The following SHQ1 variants were observed in gnomAD, a reference collection of about 807,000 sequenced individuals.
SHQ1 encodes SHQ1, H/ACA ribonucleoprotein assembly factor.
A neutral mutation model predicts 53.8 loss-of-function variants in SHQ1; 49 were observed. The ratio of observed to expected loss-of-function variants is 0.91; its 90% CI spans 0.72 to 1.16. The LOEUF (loss-of-function observed/expected upper bound fraction) is 1.16. SHQ1 is among the 50% of genes most tolerant of loss of function. SHQ1 has a pLI of 0.00. For synonymous variants in SHQ1, 243 were observed against 251.0 expected, an observed-to-expected ratio of 0.97 and a Z score of 0.30; for missense variants, 738 against 683.1, an observed-to-expected ratio of 1.08 and a Z score of -0.90.
chr3:72,768,486 T>C (rs1705780050), intron 10 of SHQ1, among the ~76,000 whole-genome samples: 1 of 152,192 alleles, frequency 6.6e-6, no homozygotes, highest in Non-Finnish European at 1.5e-5. Flanking sequence ...GCAACTCGGT[T>C]TTACAGGTTT....
chr3:72,763,621 C>T (rs1332273288), intron 10 of SHQ1, among the ~76,000 whole-genome samples: 2 of 152,148 alleles, frequency 1.3e-5, no homozygotes, highest in Non-Finnish European at 1.5e-5. Context: ...GACCTCAGTC[C>T]ACCAACTGGT....
chr3:72,748,890 G>C (rs1435378806), downstream of SHQ1, among the ~76,000 whole-genome samples: 1 of 151,912 alleles, frequency 6.6e-6, no homozygotes, highest in Non-Finnish European at 1.5e-5. Context: ...GGGAGGGTGA[G>C]GCTGCAGCAA....
the SHQ1 span, among the ~76,000 whole-genome samples, chr3:72,742,711 A>C: frequency 6.7e-6 from 1 of 148,692 alleles, no homozygotes; most frequent in East Asian, 1.9e-4. Context: ...CTGCCTCCCA[A>C]CTTCAAGCGT....
At chr3:72,775,411 T>G (rs2106746671) in intron 10 of SHQ1, among the ~76,000 whole-genome samples, 1 of 148,776 alleles carries the variant, frequency 6.7e-6, no homozygotes, top group Non-Finnish European at 1.5e-5. Context: ...TTAGAAAATC[T>G]GAATAAATAG....
chr3:72,760,095 A>G (rs1470068558), intron 10 of SHQ1, among the ~76,000 whole-genome samples: 1 of 152,188 alleles, frequency 6.6e-6, no homozygotes, highest in East Asian at 1.9e-4. Flanking sequence ...TTCTTCTTCA[A>G]TTGTTTACTA....
In SHQ1 at chr3:72,848,309, T is replaced by C. The variant is rs777314953; in HGVS notation, c.32A>G (p.Asp11Gly). MLTPAFDLSQ[D>G]PDFLTIAIRV... The stretch of plus-strand genomic sequence containing the variant: ...GATGGCGATAGTCAGGAAGTCCGGA[T>C]CCTGGCTGAGGTCGAACGCCGGGGT... The change falls in exon 1 of 11, where the codon GAT becomes GGT. Residue 11 changes from aspartate to glycine, a missense_variant. Coordinates refer to ENST00000325599, the MANE Select transcript of SHQ1 (RefSeq NM_018130.3). 12 of 1,613,940 alleles carry C rather than the reference T, an allele frequency of 7.4e-6. No homozygotes were observed. Among genetic ancestry groups the C allele is most frequent in the African/African-American group, 1.3e-5 (1 of 74,878 alleles).
In SHQ1 at chr3:72,768,798, G is replaced by A. The variant is rs989056940; in HGVS notation, c.1182-17962C>T. Among the ~76,000 whole-genome samples the A allele has an allele frequency of 6.6e-5, 10 of 152,118 alleles. No homozygotes were observed. In the East Asian group the frequency reaches 9.6e-4, roughly 15 times the overall value. On this transcript the variant is annotated intron_variant, in intron 10 of 10. Transcript: ENST00000325599. The stretch of plus-strand genomic sequence containing the variant: ...ATCCATAGTGTGCCTTTACAACAGC[G>A]TTCAACATGAGCCACCAGGTCAAAT...
chr3:72,839,753 G>C (rs2106950818), intron 4 of SHQ1, among the ~76,000 whole-genome samples: 1 of 152,050 alleles, frequency 6.6e-6, no homozygotes, highest in East Asian at 2.0e-4. Flanking sequence ...TTCTAAACAG[G>C]TTTTGTTTTG....
chr3:72,825,399 C>CACACA (rs60540652), intron 5 of SHQ1, among the ~76,000 whole-genome samples: 11 of 149,528 alleles, frequency 7.4e-5, no homozygotes, highest in African/African-American at 2.7e-4. Context: ...CACACACACA[C>CACACA]CATTTTTGGC....
intron 6 of SHQ1, among the ~76,000 whole-genome samples, chr3:72,820,484 C>T (rs1875626): frequency 0.012 from 1,853 of 152,140 alleles, 33 homozygotes; most frequent in African/African-American, 0.042. Context: ...AACAACAAAC[C>T]AGGAAATCAC....
At chr3:72,817,674 T>C (rs776422686) in intron 6 of SHQ1, among the ~76,000 whole-genome samples, 11 of 152,210 alleles carry the variant, frequency 7.2e-5, no homozygotes, top group Non-Finnish European at 7.3e-5. Context: ...GACGTCTGAA[T>C]GCCAGTTACT....
intron 9 of SHQ1, among the ~76,000 whole-genome samples, chr3:72,804,003 A>G (rs1000325792): frequency 6.6e-6 from 1 of 152,134 alleles, no homozygotes; most frequent in African/African-American, 2.4e-5. Flanking sequence ...TGTAACCTCG[A>G]ACTCCTGGGC....
chr3:72,746,507 T>C (rs937637485), downstream of SHQ1, among the ~76,000 whole-genome samples: 2 of 152,136 alleles, frequency 1.3e-5, no homozygotes, highest in Non-Finnish European at 2.9e-5. Flanking sequence ...TAACGTGATA[T>C]AACAAAGCTT....
At chr3:72,839,059 C>G (rs997890479) in intron 4 of SHQ1, among the ~76,000 whole-genome samples, 1 of 152,058 alleles carries the variant, frequency 6.6e-6, no homozygotes, top group African/African-American at 2.4e-5. Context: ...CCTACAACAT[C>G]TCAGCAACCT....
At chr3:72,765,428 A>ATT (rs142848539) in intron 10 of SHQ1, among the ~76,000 whole-genome samples, 8 of 129,526 alleles carry the variant, frequency 6.2e-5, no homozygotes, top group African/African-American at 2.3e-4. Flanking sequence ...TCACTGATTC[A>ATT]TTTTTTTTTT....
At chr3:72,753,202 T>C (rs1015128330) in intron 10 of SHQ1, 4 of 985,224 alleles carry the variant, frequency 4.1e-6, no homozygotes, top group Non-Finnish European at 4.8e-6. Flanking sequence ...GGTTTCTATG[T>C]TTCCCTGACT....
At chr3:72,780,293 C>T (rs1302361648) in intron 10 of SHQ1, among the ~76,000 whole-genome samples, 1 of 152,076 alleles carries the variant, frequency 6.6e-6, no homozygotes, top group South Asian at 2.1e-4. Flanking sequence ...GAGTGGAGAT[C>T]CTTTGCCAAT....
At position 72,753,733 on chromosome 3, in the gene SHQ1, A is replaced by G. The variant is rs533772286; in HGVS notation, c.1182-2897T>C. 90 of 633,184 alleles carry G rather than the reference A, an allele frequency of 1.4e-4. No homozygotes were observed. In the East Asian group the frequency reaches 2.7e-3, roughly 19 times the overall value. 39.2% of individuals were successfully genotyped at this position (633,184 alleles called of 1,614,324 possible). A position where few individuals can be genotyped will look rare whatever the true frequency, so the allele number is the denominator to read the frequency against. ...AGTTAATGATTCACCAAAGCATTAT[A>G]ACCCCTGGCTAATCTTTTATCAGTC... On this transcript the variant is annotated intron_variant, in intron 10 of 10. Coordinates refer to ENST00000325599, the MANE Select transcript of SHQ1 (RefSeq NM_018130.3).
chr3:72,799,846 C>CA (rs1706732862), intron 9 of SHQ1, among the ~76,000 whole-genome samples: 1 of 152,134 alleles, frequency 6.6e-6, no homozygotes, highest in African/African-American at 2.4e-5. Context: ...AACTCATGTA[C>CA]AACCCTCAAT....
Sources: gnomAD v4.1 joint callset for allele counts (sites outside exome capture counted in the v4.1 genomes callset) on GRCh38, gnomAD v4.1.1 for gene constraint, MANE v1.5 for transcripts, NCBI Gene and HGNC (gene_info 2026-07-23, HGNC 2026-07-21) for gene names.